Variants in HS6ST2 observed in about 807,000 individuals in gnomAD.
HS6ST2 encodes heparan sulfate 6-O-sulfotransferase 2, also known as heparan-sulfate 6-O-sulfotransferase 2.
In HS6ST2, 17 loss-of-function variants were observed where a neutral mutation model predicts 33.0. The observed-to-expected ratio is 0.52, with a 90% confidence interval of 0.35 to 0.77. HS6ST2 has a LOEUF of 0.77. Among genes scored for constraint, HS6ST2 ranks in the 30% least tolerant of loss-of-function variants. The pLI is 0.01. For synonymous variants in HS6ST2, 248 were observed against 237.1 expected, an observed-to-expected ratio of 1.05 and a Z score of -0.42; for missense variants, 519 against 551.7, an observed-to-expected ratio of 0.94 and a Z score of 0.59.
intron 3 of HS6ST2, among the ~76,000 whole-genome samples, chrX:132,703,555 T>C (rs768628852): frequency 1.7e-4 from 19 of 112,321 alleles, no homozygotes; most frequent in Admixed American, 7.5e-4. Context: ...GCCCTGAGCC[T>C]GCAGTTTCTG....
At chrX:132,805,638 C>T (rs932394632) in intron 2 of HS6ST2, among the ~76,000 whole-genome samples, 2 of 109,988 alleles carry the variant, frequency 1.8e-5, no homozygotes, top group Non-Finnish European at 3.8e-5. Flanking sequence ...CATCTCACTG[C>T]GACCACAGGC....
At chrX:132,961,024 C>G (rs1459911291), upstream of HS6ST2, among the ~76,000 whole-genome samples, 5 of 109,080 alleles carry the variant, frequency 4.6e-5, no homozygotes, top group Non-Finnish European at 9.5e-5. Context: ...TTCTTGTAAT[C>G]TCGGCTGGTC....
chrX:132,857,909 G>C (rs1167275930), intron 2 of HS6ST2, among the ~76,000 whole-genome samples: 1 of 112,072 alleles, frequency 8.9e-6, no homozygotes, highest in Non-Finnish European at 1.9e-5. Flanking sequence ...GTCCTTGTGA[G>C]GAATTCCAAG....
intron 4 of HS6ST2, among the ~76,000 whole-genome samples, chrX:132,660,555 C>T (rs1297060131): frequency 9.0e-6 from 1 of 111,143 alleles, no homozygotes; most frequent in Non-Finnish European, 1.9e-5. Context: ...TTTTCTCCTC[C>T]ACCTCCCCCT....
chrX:132,669,465 A>G (rs1221212914), intron 3 of HS6ST2: 1 of 253,460 alleles, frequency 3.9e-6, no homozygotes, highest in Admixed American at 6.7e-5. Context: ...GGATTCCATC[A>G]ATGATAGCAC....
intron 4 of HS6ST2, among the ~76,000 whole-genome samples, chrX:132,666,538 T>C (rs2063811513): frequency 1.8e-5 from 2 of 111,660 alleles, no homozygotes; most frequent in South Asian, 3.8e-4. Context: ...ATGTGTGCAA[T>C]AGAAATAATA....
chrX:132,855,163 C>T (rs892503881), intron 2 of HS6ST2, among the ~76,000 whole-genome samples: 2 of 112,033 alleles, frequency 1.8e-5, no homozygotes, highest in South Asian at 3.7e-4. Context: ...CAGCAAGAAC[C>T]TCTTCGATAG....
Position 132,787,186 on chromosome X carries a change from TACATATATATATAC to T in HS6ST2, c.948-78706_948-78693del, listed in dbSNP as rs1348493532. On this transcript the variant is annotated intron_variant, in intron 2 of 4. Transcript: ENST00000370833. Reference sequence around the variant, plus strand: ...ATATATGTATATATATATATATATATACATATATATATACACATATATATATACACATATATATA... The same window carrying T: ...ATATATGTATATATATATATATATATACATATATATATACACATATATATA... 7.0e-4 allele frequency among the ~76,000 whole-genome samples: 54 copies of T among 77,136 alleles called. No homozygotes were observed. The South Asian group carries it at 0.016, about 23-fold the overall frequency. The allele number at this position is 77,136 out of a possible 115,157, so 67.0% of individuals were successfully genotyped here.
chrX:132,922,841 T>C (rs1269599665), intron 2 of HS6ST2, among the ~76,000 whole-genome samples: 1 of 111,300 alleles, frequency 9.0e-6, no homozygotes, highest in East Asian at 2.8e-4. Context: ...GGCGGGTGGA[T>C]CACTTGAGGC....
chrX:132,783,699 C>T (rs1037063452), intron 2 of HS6ST2, among the ~76,000 whole-genome samples: 5 of 111,126 alleles, frequency 4.5e-5, no homozygotes, highest in African/African-American at 1.6e-4. Context: ...CTCTAGGAAC[C>T]CCTCCCTCAG....
At position 132,765,568 on chromosome X, in the gene HS6ST2, C is replaced by T. The variant is rs764908848; in HGVS notation, c.948-57074G>A. On this transcript the variant is annotated intron_variant, in intron 2 of 4. Transcript: ENST00000370833. ...ACCTCCTGGGCTCAAGTGATCCTCCCACCTCAGTCTCCCGAGTAGCTGGCA... is the reference window on the plus strand; with the variant it reads ...ACCTCCTGGGCTCAAGTGATCCTCCTACCTCAGTCTCCCGAGTAGCTGGCA... Among the ~76,000 whole-genome samples the T allele has an allele frequency of 3.2e-3, 351 of 111,153 alleles. 2 individuals are homozygous for T. Among genetic ancestry groups the T allele is most frequent in the African/African-American group, 0.011 (337 of 30,555 alleles).
chrX:132,662,693 A>G (rs747639013), intron 4 of HS6ST2, among the ~76,000 whole-genome samples: 18 of 112,508 alleles, frequency 1.6e-4, no homozygotes, highest in Non-Finnish European at 2.8e-4. Context: ...CACGAAGTGT[A>G]CTGTATATCC....
At chrX:132,839,344 A>G in intron 2 of HS6ST2, among the ~76,000 whole-genome samples, 1 of 100,438 alleles carries the variant, frequency 1.0e-5, no homozygotes, top group African/African-American at 3.6e-5. Flanking sequence ...ATACACACAC[A>G]CACCGTGGCA....
chrX:132,930,835 AGACAAAAAAAGTAG>A (rs1281220926), intron 2 of HS6ST2, among the ~76,000 whole-genome samples: 1 of 111,929 alleles, frequency 8.9e-6, no homozygotes, highest in Non-Finnish European at 1.9e-5. Context: ...GTGGAACCAC[AGACAAAAAAAGTAG>A]GCCAAGACCT....
intron 4 of HS6ST2, among the ~76,000 whole-genome samples, chrX:132,651,926 G>T (rs1418729433): frequency 8.9e-6 from 1 of 112,177 alleles, no homozygotes; most frequent in Middle Eastern, 4.6e-3. Context: ...CACAACTTGT[G>T]TGGGTTGTTG....
At chrX:132,817,932 G>A (rs2065411010) in intron 2 of HS6ST2, among the ~76,000 whole-genome samples, 1 of 111,863 alleles carries the variant, frequency 8.9e-6, no homozygotes, top group African/African-American at 3.3e-5. Context: ...CCTGGCAAGT[G>A]CTACATGCAC....
intron 2 of HS6ST2, among the ~76,000 whole-genome samples, chrX:132,742,879 G>C (rs919268183): frequency 8.0e-5 from 9 of 111,947 alleles, no homozygotes; most frequent in Non-Finnish European, 1.3e-4. Flanking sequence ...GTCCTGTCTA[G>C]GCACCATGGT....
intron 4 of HS6ST2, among the ~76,000 whole-genome samples, chrX:132,649,331 A>G (rs2063671263): frequency 9.0e-6 from 1 of 111,640 alleles, no homozygotes; most frequent in Admixed American, 9.5e-5. Flanking sequence ...TGATGGGGTA[A>G]ATGTCACTGT....
intron 2 of HS6ST2, among the ~76,000 whole-genome samples, chrX:132,830,314 G>T (rs1310852026): frequency 8.9e-6 from 1 of 111,793 alleles, no homozygotes; most frequent in Non-Finnish European, 1.9e-5. Context: ...ACCTAAAGGG[G>T]CCTTTGGATT....
Sources: gnomAD v4.1 joint callset for allele counts (sites outside exome capture counted in the v4.1 genomes callset) on GRCh38, gnomAD v4.1.1 for gene constraint, MANE v1.5 for transcripts, NCBI Gene and HGNC (gene_info 2026-07-23, HGNC 2026-07-21) for gene names.